The following SV2B variants were observed in gnomAD, a reference collection of about 807,000 sequenced individuals.
SV2B encodes solute carrier family 22 member B2.
In SV2B, 41 loss-of-function variants were observed where a neutral mutation model predicts 73.9. The ratio of observed to expected loss-of-function variants is 0.56; its 90% CI spans 0.43 to 0.72. The LOEUF is 0.72. SV2B is among the 30% of genes least tolerant of loss of function. SV2B has a pLI of 0.00. For missense variants in SV2B, 764 were observed against 857.8 expected, an observed-to-expected ratio of 0.89 and a Z score of 1.37; for synonymous variants, 314 against 314.2, an observed-to-expected ratio of 1.00 and a Z score of 0.01.
intron 1 of SV2B, among the ~76,000 whole-genome samples, chr15:91,189,486 A>G (rs2044915512): frequency 1.3e-5 from 2 of 152,142 alleles, no homozygotes; most frequent in Admixed American, 1.3e-4. Flanking sequence ...ATATATGTAT[A>G]TATGTAGTTC....
intron 1 of SV2B, among the ~76,000 whole-genome samples, chr15:91,142,216 CCT>C (rs1372047907): frequency 2.6e-5 from 4 of 152,196 alleles, no homozygotes; most frequent in Non-Finnish European, 4.4e-5. Flanking sequence ...TCATCCCTCC[CCT>C]GTCTCCTCTC....
chr15:91,109,302 T>A (rs774922155), intron 1 of SV2B, among the ~76,000 whole-genome samples: 2 of 152,216 alleles, frequency 1.3e-5, no homozygotes, highest in Non-Finnish European at 2.9e-5. Flanking sequence ...AGAAGCTGAT[T>A]GTTGAATCAC....
intron 1 of SV2B, among the ~76,000 whole-genome samples, chr15:91,183,442 A>G (rs2044659078): frequency 6.6e-6 from 1 of 152,238 alleles, no homozygotes; most frequent in East Asian, 1.9e-4. Flanking sequence ...TGAACTGTCT[A>G]GATAACTGGT....
intron 1 of SV2B, among the ~76,000 whole-genome samples, chr15:91,107,614 T>G (rs2041923971): frequency 6.6e-6 from 1 of 151,250 alleles, no homozygotes; most frequent in Admixed American, 6.6e-5. Flanking sequence ...CCCGCTAACT[T>G]TCTATTTTTT....
At position 91,100,946 on chromosome 15, in the gene SV2B, G is replaced by A. The variant is rs1474848743; in HGVS notation, c.-392+583G>A. Among the ~76,000 whole-genome samples the A allele has an allele frequency of 6.6e-6, 1 of 152,208 alleles. No homozygotes were observed. The highest frequency in any genetic ancestry group is 2.4e-5 in the African/African-American group (1 of 41,442). ...AGAAAATGACTTGTTTTGCAGGGAT[G>A]GGCTAGCAAATGCGTTTAGCCAGGG... On this transcript the variant is annotated intron_variant, in intron 1 of 12. Transcript: ENST00000394232. The surrounding 1 kb of genome is among the most constrained non-coding windows in gnomAD (Gnocchi z 6.4).
chr15:91,260,544 T>C (rs2047873097), intron 6 of SV2B, 135 bp downstream of exon 6: 1 of 606,480 alleles, frequency 1.6e-6, no homozygotes, highest in Non-Finnish European at 2.7e-6. Context: ...TGTTACTTTA[T>C]AATAATTATT....
Position 91,224,594 on chromosome 15 carries a change from A to G in SV2B, c.-391-1279A>G, listed in dbSNP as rs1279881072. Reference sequence around the variant, plus strand: ...ATTTAATGTGACAGTCCCTCGGGGTAGCATCTGGGAAGTATGAGGACATTG... The same window carrying G: ...ATTTAATGTGACAGTCCCTCGGGGTGGCATCTGGGAAGTATGAGGACATTG... On this transcript the variant is annotated intron_variant, in intron 1 of 12. Transcript: ENST00000394232. This position sits in a 1 kb window ranked among gnomAD's most constrained non-coding sequence, Gnocchi z 4.9. Among the ~76,000 whole-genome samples, 3 of 152,200 alleles carry G rather than the reference A, an allele frequency of 2.0e-5. No homozygotes were observed. The highest frequency in any genetic ancestry group is 4.4e-5 in the Non-Finnish European group (3 of 68,028).
chr15:91,158,539 T>G (rs1236790393), intron 1 of SV2B, among the ~76,000 whole-genome samples: 1 of 151,644 alleles, frequency 6.6e-6, no homozygotes, highest in Non-Finnish European at 1.5e-5. Flanking sequence ...GCTTTGTAGT[T>G]AGTGACAAGA....
Position 91,224,888 on chromosome 15 carries a change from G to A in SV2B, c.-391-985G>A, listed in dbSNP as rs146256729. Among the ~76,000 whole-genome samples, 5 of 152,282 alleles carry A rather than the reference G, an allele frequency of 3.3e-5. No homozygotes were observed. Among genetic ancestry groups the A allele is most frequent in the African/African-American group, 1.2e-4 (5 of 41,564 alleles). ...CAATGAGAATCCACTGGGCAAAGGA[G>A]TCAACAGAGGGACTCTGATTGGAAT... is the stretch of plus-strand genomic sequence containing the variant. On this transcript the variant is annotated intron_variant, in intron 1 of 12. Coordinates refer to ENST00000394232, the MANE Select transcript of SV2B (RefSeq NM_001323032.3). The surrounding 1 kb of genome is among the most constrained non-coding windows in gnomAD (Gnocchi z 4.9).
chr15:91,194,991 ATGGAGCAGGGC>A (rs1441504803), intron 1 of SV2B, among the ~76,000 whole-genome samples: 7,990 of 152,276 alleles, frequency 0.052, 678 homozygotes, highest in African/African-American at 0.18. Context: ...AGATGAAGGC[ATGGAGCAGGGC>A]CTGGGAGGCC....
In SV2B at chr15:91,270,352, A is replaced by T. The variant is rs548278349; in HGVS notation, c.1373+1747A>T. Among the ~76,000 whole-genome samples the T allele has an allele frequency of 3.3e-5, 5 of 152,330 alleles. 1 individual carries two copies. The South Asian group carries it at 1.0e-3, about 32-fold the overall frequency. On this transcript the variant is annotated intron_variant, in intron 9 of 12. Coordinates refer to ENST00000394232, the MANE Select transcript of SV2B (RefSeq NM_001323032.3). ...AAGTGCCTTACGTAGATATCTCACA[A>T]AACTCCAGGGAACAAGAAATATGCT...
rs536975518 is a variant in SV2B at position 91,298,142 on chromosome 15, G to A, written c.*5590G>A. On this transcript the variant is annotated 3_prime_UTR_variant, in exon 13 of 13. Transcript: ENST00000394232. This position sits in a 1 kb window ranked among gnomAD's most constrained non-coding sequence, Gnocchi z 5.4. ...AAATGTCTCCCGAAAAGGATGAAAAGCCTCCTCCTTTAGACAAGGAAGACA... is the reference window on the plus strand; with the variant it reads ...AAATGTCTCCCGAAAAGGATGAAAAACCTCCTCCTTTAGACAAGGAAGACA... The A allele has an allele frequency of 4.6e-5, 7 of 152,308 alleles. No homozygotes were observed. The highest frequency in any genetic ancestry group is 9.6e-5 in the African/African-American group (4 of 41,574). 9.4% of individuals were successfully genotyped at this position (152,308 alleles called of 1,614,324 possible). A position where few individuals can be genotyped will look rare whatever the true frequency, so the allele number is the denominator to read the frequency against.
At chr15:91,170,688 CCT>C (rs2044092274) in intron 1 of SV2B, among the ~76,000 whole-genome samples, 1 of 152,198 alleles carries the variant, frequency 6.6e-6, no homozygotes, top group Non-Finnish European at 1.5e-5. Context: ...CAGTGATTTT[CCT>C]CTTAGATTCA....
rs760670820 is a variant in SV2B at position 91,132,505 on chromosome 15, C to T, written c.-392+32142C>T. ...GAAGTTACAAAGTTGCAAACGAAGA[C>T]GGGACCCTCATTCAGTCTGATTTAT... On this transcript the variant is annotated intron_variant, in intron 1 of 12. Coordinates refer to ENST00000394232, the MANE Select transcript of SV2B (RefSeq NM_001323032.3). The surrounding 1 kb of genome is among the most constrained non-coding windows in gnomAD (Gnocchi z 4.6). 2.6e-5 allele frequency among the ~76,000 whole-genome samples: 4 copies of T among 152,304 alleles called. No individual in the cohort carries two copies. Among genetic ancestry groups the T allele is most frequent in the African/African-American group, 9.6e-5 (4 of 41,580 alleles).
At chr15:91,174,825 G>T (rs2044243791) in intron 1 of SV2B, among the ~76,000 whole-genome samples, 1 of 152,202 alleles carries the variant, frequency 6.6e-6, no homozygotes, top group Admixed American at 6.5e-5. Context: ...GAGCCTGGTG[G>T]CATCCCCAGT....
chr15:91,142,988 G>T (rs1377653036), intron 1 of SV2B, among the ~76,000 whole-genome samples: 4 of 152,224 alleles, frequency 2.6e-5, no homozygotes, highest in Admixed American at 1.3e-4. Context: ...GCAGGTAGCA[G>T]AATCTGCTGC....
At chr15:91,264,493 C>A (rs555569381) in intron 6 of SV2B, among the ~76,000 whole-genome samples, 82 of 152,236 alleles carry the variant, frequency 5.4e-4, no homozygotes, top group African/African-American at 1.9e-3. Flanking sequence ...TTGGATTATT[C>A]CAGTGGGAAG....
chr15:91,192,277 T>C (rs1185190635), intron 1 of SV2B, among the ~76,000 whole-genome samples: 1 of 152,252 alleles, frequency 6.6e-6, no homozygotes, highest in Non-Finnish European at 1.5e-5. Flanking sequence ...AGGCCTTGAA[T>C]GACTAAAAGA....
intron 2 of SV2B, among the ~76,000 whole-genome samples, chr15:91,246,713 A>ACCTCCTCCT (rs3837743): frequency 1.3e-4 from 18 of 141,838 alleles, no homozygotes; most frequent in African/African-American, 3.3e-4. Flanking sequence ...CCTCCTTTCA[A>ACCTCCTCCT]CCTCCTCCTC....
Sources: gnomAD v4.1 joint callset for allele counts (sites outside exome capture counted in the v4.1 genomes callset) on GRCh38, gnomAD v4.1.1 for gene constraint, Gnocchi (gnomAD v3.1) non-coding constraint, MANE v1.5 for transcripts, NCBI Gene and HGNC (gene_info 2026-07-23, HGNC 2026-07-21) for gene names.